The following ZFHX3 variants were observed in gnomAD, a reference collection of about 807,000 sequenced individuals.
ZFHX3 encodes the protein zinc finger homeobox protein 3.
ZFHX3 carries 42 observed loss-of-function variants against 279.1 expected under a neutral mutation model. The observed-to-expected ratio is 0.15, with a 90% CI of 0.12 to 0.19. The LOEUF is 0.19. Ranked by LOEUF, ZFHX3 falls within the 10% of genes least tolerant of loss-of-function variation. ZFHX3 has a pLI of 1.00. For missense variants in ZFHX3, 4,981 were observed against 4,754.0 expected, an observed-to-expected ratio of 1.05 and a Z score of -1.40; for synonymous variants, 2,293 against 1,957.8, an observed-to-expected ratio of 1.17 and a Z score of -4.52.
At chr16:73,489,930 A>G (rs1157980275) in intron 2 of ZFHX3, among the ~76,000 whole-genome samples, 1 of 152,232 alleles carries the variant, frequency 6.6e-6, no homozygotes. Context: ...CTGCACTTCA[A>G]TAAAATCACA....
At chr16:73,845,385 A>AT (rs1370706295) in intron 1 of ZFHX3, among the ~76,000 whole-genome samples, 2 of 152,164 alleles carry the variant, frequency 1.3e-5, no homozygotes, top group African/African-American at 4.8e-5. Context: ...AGCTAGTACA[A>AT]GAAGCACCTT....
intron 2 of ZFHX3, among the ~76,000 whole-genome samples, chr16:73,657,847 C>G (rs573130989): frequency 6.6e-6 from 1 of 152,140 alleles, no homozygotes; most frequent in Non-Finnish European, 1.5e-5. Context: ...ATCCATTCAT[C>G]AGCAGACAGA....
chr16:73,251,934 C>T (rs2013516646), intron 5 of ZFHX3, among the ~76,000 whole-genome samples: 1 of 149,452 alleles, frequency 6.7e-6, no homozygotes, highest in Non-Finnish European at 1.5e-5. Context: ...CATGAACACA[C>T]ACATACACAC....
At chr16:73,379,451 C>T (rs927306890) in intron 3 of ZFHX3, among the ~76,000 whole-genome samples, 6 of 152,164 alleles carry the variant, frequency 3.9e-5, no homozygotes, top group Admixed American at 1.3e-4. Flanking sequence ...AGCCAAGTTC[C>T]ACCTCTGCTA....
chr16:73,498,346 T>C (rs74028685), intron 2 of ZFHX3, among the ~76,000 whole-genome samples: 214 of 152,358 alleles, frequency 1.4e-3, no homozygotes, highest in African/African-American at 5.0e-3. Flanking sequence ...ACGGACATGT[T>C]TGACATCTTG....
intron 2 of ZFHX3, among the ~76,000 whole-genome samples, chr16:73,505,514 A>C (rs1654163695): frequency 1.3e-5 from 2 of 152,096 alleles, no homozygotes; most frequent in South Asian, 4.2e-4. Context: ...AACTACTTAG[A>C]CAGTCACTCT....
chr16:73,261,596 A>G (rs2013825546), intron 4 of ZFHX3, among the ~76,000 whole-genome samples: 1 of 151,934 alleles, frequency 6.6e-6, no homozygotes, highest in African/African-American at 2.4e-5. Context: ...TTTCCAAGAA[A>G]ATTGGCTAGC....
At chr16:73,767,568 A>G (rs1380468674) in intron 1 of ZFHX3, among the ~76,000 whole-genome samples, 2 of 152,222 alleles carry the variant, frequency 1.3e-5, no homozygotes, top group East Asian at 1.9e-4. Flanking sequence ...AAAACAAGAT[A>G]TATAATAGAT....
chr16:73,666,209 T>C (rs1408735541), intron 2 of ZFHX3, among the ~76,000 whole-genome samples: 1 of 151,882 alleles, frequency 6.6e-6, no homozygotes, highest in Non-Finnish European at 1.5e-5. Flanking sequence ...CAGATTGGTT[T>C]AAAGGATTTA....
At chr16:73,381,388 A>T (rs1199001166) in intron 3 of ZFHX3, among the ~76,000 whole-genome samples, 1 of 152,196 alleles carries the variant, frequency 6.6e-6, no homozygotes, top group Non-Finnish European at 1.5e-5. Flanking sequence ...GTGATGAGGG[A>T]TATGACTAGC....
At chr16:73,543,061 G>A (rs755822799) in intron 2 of ZFHX3, among the ~76,000 whole-genome samples, 1 of 152,184 alleles carries the variant, frequency 6.6e-6, no homozygotes, top group Non-Finnish European at 1.5e-5. Flanking sequence ...TTGCACAGGC[G>A]ATCCTGAATC....
At chr16:73,367,589 A>G (rs183466631) in intron 3 of ZFHX3, among the ~76,000 whole-genome samples, 21 of 152,286 alleles carry the variant, frequency 1.4e-4, no homozygotes, top group Admixed American at 7.2e-4. Context: ...CTTTCCATCA[A>G]AGAACAAGAA....
chr16:73,032,666 A>C lies in ZFHX3; in HGVS notation c.-50+15086T>G, dbSNP rs908045019. Among the ~76,000 whole-genome samples the C allele has an allele frequency of 2.3e-4, 35 of 149,764 alleles. 1 individual carries two copies. Among genetic ancestry groups the C allele is most frequent in the Non-Finnish European group, 5.9e-5 (4 of 67,418 alleles). On this transcript the variant is annotated intron_variant, in intron 1 of 9. Transcript: ENST00000268489. Reference sequence around the variant, plus strand: ...CTCCCAACATCACTTTTTAAAGCTCAGCATTTAAAAAAAGAACAGGAAAAA... The same window carrying C: ...CTCCCAACATCACTTTTTAAAGCTCCGCATTTAAAAAAAGAACAGGAAAAA...
chr16:73,341,168 C>T (rs1402618858), intron 3 of ZFHX3, among the ~76,000 whole-genome samples: 2 of 152,008 alleles, frequency 1.3e-5, no homozygotes, highest in Non-Finnish European at 2.9e-5. Flanking sequence ...TGGTAAAACC[C>T]AGTCTCTACT....
intron 3 of ZFHX3, among the ~76,000 whole-genome samples, chr16:73,337,637 T>C (rs1190296978): frequency 6.6e-6 from 1 of 152,140 alleles, no homozygotes; most frequent in African/African-American, 2.4e-5. Flanking sequence ...TTACTCTTGA[T>C]GACTTCAGTA....
At chr16:73,285,941 A>T in intron 4 of ZFHX3, among the ~76,000 whole-genome samples, 2 of 152,362 alleles carry the variant, frequency 1.3e-5, no homozygotes, top group South Asian at 4.1e-4. Context: ...GATTGTTTGC[A>T]TATATTATAT....
chr16:72,943,703 G>A (rs778819235), intron 3 of ZFHX3, among the ~76,000 whole-genome samples: 26 of 152,152 alleles, frequency 1.7e-4, no homozygotes, highest in Non-Finnish European at 3.7e-4. Context: ...GTCACTTACT[G>A]GGGAAGGATG....
chr16:73,363,461 C>T (rs1022723100), intron 3 of ZFHX3, among the ~76,000 whole-genome samples: 1 of 152,192 alleles, frequency 6.6e-6, no homozygotes, highest in African/African-American at 2.4e-5. Context: ...TCCATCTCCT[C>T]ACCCTGTGCA....
In ZFHX3 at chr16:73,519,875, G is replaced by A. The variant is rs139054366; in HGVS notation, c.-1546-63617C>T. Among the ~76,000 whole-genome samples the A allele has an allele frequency of 4.0e-3, 616 of 152,212 alleles. 9 individuals are homozygous for A. Among genetic ancestry groups the A allele is most frequent in the Admixed American group, 0.023 (351 of 15,286 alleles). On this transcript the variant is annotated intron_variant, in intron 2 of 17. Transcript: ENST00000641206. ...TCACAAACTACTAGGAATTAAGGTC[G>A]TTTCATTTTTCAAAACAAAAGTTTC... is the stretch of plus-strand genomic sequence containing the variant.
Sources: gnomAD v4.1 joint callset for allele counts (sites outside exome capture counted in the v4.1 genomes callset) on GRCh38, gnomAD v4.1.1 for gene constraint, MANE v1.5 for transcripts, NCBI Gene and HGNC (gene_info 2026-07-23, HGNC 2026-07-21) for gene names.